MED26: variants seen among roughly 807,000 people sequenced by gnomAD.
MED26 encodes mediator of RNA polymerase II transcription subunit 26.
MED26 carries 7 observed loss-of-function variants against 43.7 expected under a neutral mutation model. The observed-to-expected ratio is 0.16, with a 90% CI of 0.09 to 0.30. The LOEUF is 0.30. Among genes scored for constraint, MED26 ranks in the 10% least tolerant of loss-of-function variants. MED26 has a pLI of 1.00. For missense variants in MED26, 784 were observed against 840.6 expected (o/e 0.93, Z 0.83); for synonymous variants, 375 against 371.1 (o/e 1.01, Z -0.12).
chr19:16,621,104 G>A (rs79973107), intron 1 of MED26, among the ~76,000 whole-genome samples: 7,874 of 152,260 alleles, frequency 0.052, 284 homozygotes, highest in Non-Finnish European at 0.063. Flanking sequence ...ACGCAATGGA[G>A]TTCAGCTTCC....
At chr19:16,625,631 G>T (rs923069561) in intron 1 of MED26, among the ~76,000 whole-genome samples, 3 of 151,960 alleles carry the variant, frequency 2.0e-5, no homozygotes, top group African/African-American at 7.3e-5. Context: ...AGAGGAGAGA[G>T]CGGCACGCCG....
chr19:16,614,554 T>TA (rs888317227), intron 1 of MED26, among the ~76,000 whole-genome samples: 4 of 79,388 alleles, frequency 5.0e-5, no homozygotes, highest in African/African-American at 1.9e-4. Flanking sequence ...AATAAAAAGG[T>TA]GGGGGGTGGG....
intron 1 of MED26, among the ~76,000 whole-genome samples, chr19:16,581,377 C>G (rs1568280331): frequency 6.6e-6 from 1 of 152,212 alleles, no homozygotes. Context: ...CAGTCCCAGA[C>G]AGACAGCAAG....
chr19:16,618,339 G>C (rs2086235267), intron 1 of MED26, among the ~76,000 whole-genome samples: 1 of 152,150 alleles, frequency 6.6e-6, no homozygotes, highest in South Asian at 2.1e-4. Flanking sequence ...AGCACCAGGA[G>C]AGACTGTCAA....
intron 1 of MED26, among the ~76,000 whole-genome samples, chr19:16,627,138 T>A (rs1344969990): frequency 6.6e-6 from 1 of 152,102 alleles, no homozygotes; most frequent in African/African-American, 2.4e-5. Flanking sequence ...AAGTCCTCTT[T>A]AATTCACTAC....
chr19:16,619,870 T>C (rs1209925135), intron 1 of MED26, among the ~76,000 whole-genome samples: 1 of 152,062 alleles, frequency 6.6e-6, no homozygotes, highest in Admixed American at 6.5e-5. Context: ...CCCTACTTTC[T>C]CACCATAGCA....
chr19:16,602,814 G>T (rs1424618554), intron 1 of MED26, among the ~76,000 whole-genome samples: 4 of 152,142 alleles, frequency 2.6e-5, no homozygotes, highest in African/African-American at 9.7e-5. Flanking sequence ...CGAACAGTAC[G>T]TGCGCCCAGG....
At chr19:16,620,562 G>GCT (rs1372503657) in intron 1 of MED26, among the ~76,000 whole-genome samples, 29 of 152,236 alleles carry the variant, frequency 1.9e-4, no homozygotes, top group Non-Finnish European at 3.7e-4. Flanking sequence ...AGCAACACCT[G>GCT]CTCTCCTACT....
In MED26 at chr19:16,578,319, G is replaced by C. The variant is rs769425906; in HGVS notation, c.147+16C>G. On this transcript the variant is annotated intron_variant, in intron 2 of 2. Transcript: ENST00000263390. Reference sequence around the variant, plus strand: ...CCCGTTCTGCCCTCCCAAATGCTGGGGTCTGGGATACTCACCTCAAGTGCC... The same window carrying C: ...CCCGTTCTGCCCTCCCAAATGCTGGCGTCTGGGATACTCACCTCAAGTGCC... The C allele has an allele frequency of 1.2e-6, 2 of 1,612,508 alleles. No individual in the cohort carries two copies. The highest frequency in any genetic ancestry group is 2.2e-5 in the East Asian group (1 of 44,834).
chr19:16,590,832 G>T (rs2086092359), intron 1 of MED26, among the ~76,000 whole-genome samples: 1 of 152,070 alleles, frequency 6.6e-6, no homozygotes, highest in South Asian at 2.1e-4. Flanking sequence ...GAGGCCAGGA[G>T]TTTGAGACCA....
chr19:16,620,446 A>T (rs1015663008), intron 1 of MED26, among the ~76,000 whole-genome samples: 1 of 152,204 alleles, frequency 6.6e-6, no homozygotes, highest in African/African-American at 2.4e-5. Flanking sequence ...GGCACCTAGG[A>T]CCTGCTCAGT....
intron 1 of MED26, among the ~76,000 whole-genome samples, chr19:16,608,909 T>C (rs1322926759): frequency 6.6e-6 from 1 of 152,252 alleles, no homozygotes; most frequent in Admixed American, 6.5e-5. Context: ...AAGCGTGTCA[T>C]GCCTGAAGTC....
At chr19:16,613,432 G>T (rs969356342) in intron 1 of MED26, among the ~76,000 whole-genome samples, 1 of 152,068 alleles carries the variant, frequency 6.6e-6, no homozygotes, top group Non-Finnish European at 1.5e-5. Flanking sequence ...AGGGACACGG[G>T]ATCCTCTGCA....
At position 16,587,248 on chromosome 19, in the gene MED26, C is replaced by T. The variant is rs909857145; in HGVS notation, c.73-8839G>A. The T allele has an allele frequency of 1.3e-5, 2 of 152,160 alleles. No individual in the cohort carries two copies. The highest frequency in any genetic ancestry group is 2.4e-5 in the African/African-American group (1 of 41,428). 9.4% of individuals were successfully genotyped at this position (152,160 alleles called of 1,614,324 possible). On this transcript the variant is annotated intron_variant, in intron 1 of 2. Transcript: ENST00000263390. This position sits in a 1 kb window ranked among gnomAD's most constrained non-coding sequence, Gnocchi z 4.9. Reference sequence around the variant, plus strand: ...CTTCCTGCTTCTGACAAACTCCGCACGTGTTCCCAGGCAGCTGGGAGCCAA... The same window carrying T: ...CTTCCTGCTTCTGACAAACTCCGCATGTGTTCCCAGGCAGCTGGGAGCCAA...
At position 16,587,526 on chromosome 19, in the gene MED26, G is replaced by A. The variant is rs2086076732; in HGVS notation, c.73-9117C>T. On this transcript the variant is annotated intron_variant, in intron 1 of 2. Coordinates refer to ENST00000263390, the MANE Select transcript of MED26 (RefSeq NM_004831.5). This position sits in a 1 kb window ranked among gnomAD's most constrained non-coding sequence, Gnocchi z 4.9. ...ACCTCATGGGAGCCTCAAACCCCAG[G>A]GGCAAAGCCTCAAGTTCACAGCTTC... is the stretch of plus-strand genomic sequence containing the variant. The A allele has an allele frequency of 6.6e-6, 1 of 152,240 alleles. No homozygotes were observed. Among genetic ancestry groups the A allele is most frequent in the African/African-American group, 2.4e-5 (1 of 41,426 alleles). 9.4% of individuals were successfully genotyped at this position (152,240 alleles called of 1,614,324 possible).
intron 1 of MED26, among the ~76,000 whole-genome samples, chr19:16,602,467 C>T (rs560271572): frequency 9.2e-5 from 14 of 152,138 alleles, no homozygotes; most frequent in Admixed American, 2.6e-4. Flanking sequence ...CAGAAACAAC[C>T]GCTACAGGCA....
At chr19:16,602,853 G>A (rs2086156108) in intron 1 of MED26, among the ~76,000 whole-genome samples, 1 of 152,190 alleles carries the variant, frequency 6.6e-6, no homozygotes, top group Admixed American at 6.5e-5. Flanking sequence ...CGTGAGTGTT[G>A]AATGGGAACA....
intron 2 of MED26, 164 bp downstream of exon 2, chr19:16,578,171 G>A (rs954783992): frequency 2.0e-5 from 14 of 708,020 alleles, no homozygotes; most frequent in South Asian, 6.3e-5. Flanking sequence ...TGCAGTGCCC[G>A]TGGGAGAGCA....
intron 1 of MED26, among the ~76,000 whole-genome samples, chr19:16,604,965 C>T (rs2086165819): frequency 6.6e-6 from 1 of 152,198 alleles, no homozygotes; most frequent in African/African-American, 2.4e-5. Context: ...CAGTACCTAC[C>T]TGCAGTACTC....
Sources: gnomAD v4.1 joint callset for allele counts (sites outside exome capture counted in the v4.1 genomes callset) on GRCh38, gnomAD v4.1.1 for gene constraint, Gnocchi (gnomAD v3.1) non-coding constraint, MANE v1.5 for transcripts, NCBI Gene and HGNC (gene_info 2026-07-23, HGNC 2026-07-21) for gene names.